The following RABGAP1L variants were observed in gnomAD, a reference collection of about 807,000 sequenced individuals.
RABGAP1L encodes rab GTPase-activating protein 1-like.
Under a neutral mutation model 137.7 loss-of-function variants are expected in RABGAP1L, and 63 were observed. That is an observed-to-expected ratio of 0.46 (90% CI 0.37 to 0.56). RABGAP1L has a LOEUF of 0.56. Among genes scored for constraint, RABGAP1L ranks in the 20% least tolerant of loss-of-function variants. RABGAP1L has a pLI of 0.00. For missense variants in RABGAP1L, 1,095 were observed against 1,244.0 expected (o/e 0.88, Z 1.80); for synonymous variants, 431 against 433.7 (o/e 0.99, Z 0.08).
intron 13 of RABGAP1L, among the ~76,000 whole-genome samples, chr1:174,557,475 A>T (rs568713586): frequency 3.3e-5 from 5 of 152,250 alleles, no homozygotes; most frequent in African/African-American, 1.2e-4. Flanking sequence ...CCGTCATTCT[A>T]CTTCTACTAC....
At chr1:174,656,195 G>A (rs541953689) in intron 14 of RABGAP1L, among the ~76,000 whole-genome samples, 4 of 152,216 alleles carry the variant, frequency 2.6e-5, no homozygotes, top group African/African-American at 7.2e-5. Flanking sequence ...AGTGGCTTAC[G>A]CCTGTAATCC....
At chr1:174,664,734 C>CTTTTTTTTTTTTTTTTTT (rs71701825) in intron 14 of RABGAP1L, among the ~76,000 whole-genome samples, 1 of 97,576 alleles carries the variant, frequency 1.0e-5, no homozygotes, top group Admixed American at 1.1e-4. Flanking sequence ...TTTCTGCTTT[C>CTTTTTTTTTTTTTTTTTT]TTTTTTTTTT....
rs1674153781 is a variant in RABGAP1L, at chr1:174,637,494, ACT to A, written c.1824+11_1824+12del. ...CGCTCTATAAGATCTGCAAGGTAGG[ACT>A]CTCTTCCTCACTTTTTCTAAATTAT... On this transcript the variant is annotated splice_region_variant and intron_variant, in intron 14 of 25. Transcript: ENST00000681986. 2 of 1,550,920 alleles carry A rather than the reference ACT, an allele frequency of 1.3e-6. No homozygotes were observed. Among genetic ancestry groups the A allele is most frequent in the Non-Finnish European group, 1.8e-6 (2 of 1,125,118 alleles).
intron 13 of RABGAP1L, among the ~76,000 whole-genome samples, chr1:174,431,548 A>T (rs1377153212): frequency 6.6e-6 from 1 of 152,204 alleles, no homozygotes; most frequent in African/African-American, 2.4e-5. Flanking sequence ...TAGAGCAGTT[A>T]CCTTTATTTG....
intron 13 of RABGAP1L, among the ~76,000 whole-genome samples, chr1:174,586,839 A>G (rs1669153107): frequency 6.6e-6 from 1 of 152,082 alleles, no homozygotes; most frequent in Non-Finnish European, 1.5e-5. Flanking sequence ...CAGGTGATCC[A>G]TCTGCTTTGG....
At chr1:174,668,488 C>T (rs1260255469) in intron 14 of RABGAP1L, among the ~76,000 whole-genome samples, 1 of 152,076 alleles carries the variant, frequency 6.6e-6, no homozygotes, top group South Asian at 2.1e-4. Flanking sequence ...ATATACACCA[C>T]ATTTTCTTTA....
intron 19 of RABGAP1L, among the ~76,000 whole-genome samples, chr1:174,865,871 A>G (rs543557887): frequency 1.0e-3 from 157 of 152,308 alleles, no homozygotes; most frequent in African/African-American, 3.5e-3. Context: ...ATAAACTGCA[A>G]TCTGTAAGAC....
intron 1 of RABGAP1L, among the ~76,000 whole-genome samples, chr1:174,176,185 C>A (rs1285806595): frequency 6.6e-6 from 1 of 152,160 alleles, no homozygotes; most frequent in Non-Finnish European, 1.5e-5. Flanking sequence ...TCTTTCATAT[C>A]ACACCAGAAT....
chr1:174,683,735 G>A (rs1342161961), intron 15 of RABGAP1L, 139 bp downstream of exon 15: 3 of 564,230 alleles, frequency 5.3e-6, no homozygotes, highest in African/African-American at 1.9e-5. Context: ...TGTACGTTAG[G>A]TGATAAAGTA....
chr1:174,631,783 A>G (rs1313926754), intron 13 of RABGAP1L, among the ~76,000 whole-genome samples: 9 of 150,116 alleles, frequency 6.0e-5, no homozygotes, highest in African/African-American at 1.5e-4. Flanking sequence ...GAGCCTATGT[A>G]TGTCTCTGCA....
At chr1:174,232,285 A>C (rs1670728623) in intron 4 of RABGAP1L, among the ~76,000 whole-genome samples, 1 of 152,140 alleles carries the variant, frequency 6.6e-6, no homozygotes, top group Non-Finnish European at 1.5e-5. Context: ...AGGTGGGTGA[A>C]TCACTTGAGG....
intron 10 of RABGAP1L, among the ~76,000 whole-genome samples, chr1:174,292,884 C>T (rs1369474701): frequency 2.0e-5 from 3 of 152,098 alleles, no homozygotes; most frequent in Non-Finnish European, 4.4e-5. Flanking sequence ...TACTACATAC[C>T]ATACCCTCTT....
intron 13 of RABGAP1L, among the ~76,000 whole-genome samples, chr1:174,515,397 A>C (rs1247560790): frequency 6.6e-6 from 1 of 152,194 alleles, no homozygotes. Flanking sequence ...ATGCACACAC[A>C]CTGAAGTATA....
At chr1:174,433,939 A>G (rs1015632655) in intron 13 of RABGAP1L, among the ~76,000 whole-genome samples, 4 of 152,176 alleles carry the variant, frequency 2.6e-5, no homozygotes, top group African/African-American at 9.7e-5. Context: ...CTTCAGCTAT[A>G]ACTTACACAG....
chr1:174,961,870 G>GA (rs1365671031), intron 20 of RABGAP1L, among the ~76,000 whole-genome samples: 6 of 88,488 alleles, frequency 6.8e-5, no homozygotes, highest in Non-Finnish European at 1.5e-4. Flanking sequence ...AAAAAAAAAA[G>GA]AAACGACCAG....
At chr1:174,512,091 C>T (rs897026481) in intron 13 of RABGAP1L, among the ~76,000 whole-genome samples, 2 of 152,184 alleles carry the variant, frequency 1.3e-5, no homozygotes, top group Non-Finnish European at 2.9e-5. Context: ...GGGTAATTAA[C>T]ATATCCATTG....
intron 13 of RABGAP1L, among the ~76,000 whole-genome samples, chr1:174,612,765 T>C (rs1671390331): frequency 6.6e-6 from 1 of 152,260 alleles, no homozygotes; most frequent in Admixed American, 6.5e-5. Flanking sequence ...AGATTCAACT[T>C]CTTCCTGGTT....
intron 11 of RABGAP1L, among the ~76,000 whole-genome samples, chr1:174,312,396 T>C (rs1382372845): frequency 6.6e-6 from 1 of 152,190 alleles, no homozygotes; most frequent in African/African-American, 2.4e-5. Flanking sequence ...TCTTTTTTTT[T>C]CTTGAGAAAT....
intron 4 of RABGAP1L, among the ~76,000 whole-genome samples, chr1:174,240,144 C>T (rs751560258): frequency 6.6e-6 from 1 of 152,188 alleles, no homozygotes; most frequent in African/African-American, 2.4e-5. Flanking sequence ...CTGGGGTTGT[C>T]CCCTTACCCT....
Sources: allele counts gnomAD v4.1 joint callset (sites outside exome capture counted in the v4.1 genomes callset), GRCh38; gene constraint gnomAD v4.1.1; transcripts MANE v1.5; gene names NCBI Gene and HGNC (gene_info 2026-07-23, HGNC 2026-07-21).